Variants in CD46 observed in about 807,000 individuals in gnomAD.
CD46 encodes the protein membrane cofactor protein.
Under a neutral mutation model 53.3 loss-of-function variants are expected in CD46, and 30 were observed. The ratio of observed to expected loss-of-function variants is 0.56; its 90% CI spans 0.42 to 0.76. CD46 has a LOEUF of 0.76. CD46 is among the 30% of genes least tolerant of loss of function. CD46 has a pLI of 0.00. For synonymous variants in CD46, 142 were observed against 152.0 expected (o/e 0.93, Z 0.48); for missense variants, 409 against 463.0 (o/e 0.88, Z 1.07).
intron 7 of CD46, chr1:207,769,387 T>G (rs1657219234): frequency 6.6e-6 from 1 of 152,216 alleles, no homozygotes; most frequent in African/African-American, 2.4e-5. Context: ...CAAAACAAGA[T>G]TGCATGTGAA....
intron 3 of CD46, among the ~76,000 whole-genome samples, chr1:207,759,266 A>C (rs1000831596): frequency 6.6e-6 from 1 of 152,218 alleles, no homozygotes; most frequent in Non-Finnish European, 1.5e-5. Flanking sequence ...CAGGGACTTG[A>C]ATCTATCCAT....
chr1:207,763,062 T>C (rs1656417788), intron 5 of CD46: 1 of 152,302 alleles, frequency 6.6e-6, no homozygotes, highest in Admixed American at 6.5e-5. Context: ...AAAACCCCAG[T>C]TTGCATGGAA....
chr1:207,770,070 A>T, intron 7 of CD46: 1 of 464,786 alleles, frequency 2.2e-6, no homozygotes, highest in East Asian at 4.1e-5. Flanking sequence ...CCATCCTCAC[A>T]TTACTTTCAT....
chr1:207,767,285 T>C, intron 6 of CD46, 90 bp downstream of exon 6: 1 of 1,147,002 alleles, frequency 8.7e-7, no homozygotes, highest in Non-Finnish European at 1.3e-6. Context: ...CTATCAGTCA[T>C]ACAAAATAAC....
intron 11 of CD46, among the ~76,000 whole-genome samples, chr1:207,786,579 T>C (rs1659293935): frequency 6.6e-6 from 1 of 152,324 alleles, no homozygotes; most frequent in East Asian, 1.9e-4. Flanking sequence ...AAAACTGTTT[T>C]CCCCTATAGT....
intron 8 of CD46, among the ~76,000 whole-genome samples, chr1:207,773,742 T>A (rs1657779471): frequency 6.6e-6 from 1 of 152,158 alleles, no homozygotes; most frequent in Non-Finnish European, 1.5e-5. Flanking sequence ...CACTGTGGTC[T>A]GAGAGACAGT....
At chr1:207,782,824 T>TG (rs987300251) in intron 8 of CD46, among the ~76,000 whole-genome samples, 37 of 150,554 alleles carry the variant, frequency 2.5e-4, no homozygotes, top group Admixed American at 1.1e-3. Context: ...ATTTTTGTTT[T>TG]TTTTTTTTTT....
intron 8 of CD46, among the ~76,000 whole-genome samples, chr1:207,772,335 T>C (rs1657604091): frequency 6.6e-6 from 1 of 152,224 alleles, no homozygotes; most frequent in African/African-American, 2.4e-5. Flanking sequence ...TATGCAATCA[T>C]GTCATCTGCA....
chr1:207,779,931 T>TTTTTTTTTTTTTTTTTC (rs1658557229), intron 8 of CD46, among the ~76,000 whole-genome samples: 1 of 148,378 alleles, frequency 6.7e-6, no homozygotes, highest in Non-Finnish European at 1.5e-5. Flanking sequence ...TTTTTTTTTT[T>TTTTTTTTTTTTTTTTTC]TACTGTAGTA....
At position 207,782,896 on chromosome 1, in the gene CD46, G is replaced by A. The variant is rs577281820; in HGVS notation, c.944-396G>A. ...TCTCGAACTCCTGACCTCGTGATCCGCCTGCCTCGGCCTCCCAAAGTGCTG... is the reference window on the plus strand; with the variant it reads ...TCTCGAACTCCTGACCTCGTGATCCACCTGCCTCGGCCTCCCAAAGTGCTG... On this transcript the variant is annotated intron_variant, in intron 8 of 12. Coordinates refer to ENST00000367042, the MANE Select transcript of CD46 (RefSeq NM_172351.3). 2.5e-4 allele frequency among the ~76,000 whole-genome samples: 38 copies of A among 150,336 alleles called. No individual in the cohort carries two copies. In the East Asian group the frequency reaches 5.7e-3, roughly 22 times the overall value.
Position 207,765,804 on chromosome 1 carries a change from G to A in CD46, c.674-1209G>A, listed in dbSNP as rs538374240. Reference sequence around the variant, plus strand: ...TAAACATACTCTTATCATACAACTCGGCAACCCAAATAAACTGAAAACATT... The same window carrying A: ...TAAACATACTCTTATCATACAACTCAGCAACCCAAATAAACTGAAAACATT... On this transcript the variant is annotated intron_variant, in intron 5 of 12. Coordinates refer to ENST00000367042, the MANE Select transcript of CD46 (RefSeq NM_172351.3). 3.9e-5 allele frequency among the ~76,000 whole-genome samples: 6 copies of A among 152,120 alleles called. No homozygotes were observed. In the South Asian group the frequency reaches 1.0e-3, roughly 26 times the overall value.
Position 207,791,521 on chromosome 1 carries a change from G to A in CD46, c.*41+1176G>A, listed in dbSNP as rs189747778. ...TGTCCACAGCATGGGTATGCTGGAC[G>A]AAGGGATGATTTATATCCCGGGAGG... On this transcript the variant is annotated intron_variant, in intron 12 of 12. Transcript: ENST00000367042. Among the ~76,000 whole-genome samples, 49 of 152,306 alleles carry A rather than the reference G, an allele frequency of 3.2e-4. No homozygotes were observed. The East Asian group carries it at 3.9e-3, about 12-fold the overall frequency.
At chr1:207,791,636 T>C (rs781057872) in intron 12 of CD46, among the ~76,000 whole-genome samples, 1 of 152,230 alleles carries the variant, frequency 6.6e-6, no homozygotes, top group African/African-American at 2.4e-5. Context: ...TTTAATATTT[T>C]TGACCGTATT....
At chr1:207,770,865 G>A (rs1027936391) in intron 8 of CD46, among the ~76,000 whole-genome samples, 17 of 152,224 alleles carry the variant, frequency 1.1e-4, no homozygotes, top group African/African-American at 3.9e-4. Flanking sequence ...ATAAACATAC[G>A]TGTGCATGTG....
intron 4 of CD46, 80 bp downstream of exon 4, chr1:207,759,804 G>C (rs952951566): frequency 5.4e-6 from 4 of 744,634 alleles, no homozygotes; most frequent in Admixed American, 2.3e-5. Context: ...TACACTTTAA[G>C]ATTAACAAAG....
In CD46 at chr1:207,767,807, AG is replaced by A. The variant is rs779609255; in HGVS notation, c.886del (p.Ala296ArgfsTer39). 3 of 1,611,956 alleles carry A rather than the reference AG, an allele frequency of 1.9e-6. No individual in the cohort carries two copies. The Admixed American group carries it at 5.0e-5, about 27-fold the overall frequency. On this transcript the variant is annotated frameshift_variant, in exon 7 of 13. Transcript: ENST00000367042. LOFTEE classifies it high-confidence loss of function. ...CGACTTCTTCCACTACAAAATCTCC[AG>A]CGTCCAGTGCCTCAGGTTTAGTAAT... ...VSTSSTTKSPASSASGPRPTY... is the reference protein window; with the variant it reads ...VSTSSTTKSPXSSASGPRPTY...
chr1:207,763,319 A>G (rs1400507561), intron 5 of CD46: 1 of 152,254 alleles, frequency 6.6e-6, no homozygotes, highest in East Asian at 1.9e-4. Flanking sequence ...GCTAAGGGAG[A>G]CTGGCCAGCC....
At chr1:207,767,956 A>G in intron 7 of CD46, 133 bp downstream of exon 7, 1 of 740,096 alleles carries the variant, frequency 1.4e-6, no homozygotes, top group Non-Finnish European at 2.4e-6. Flanking sequence ...TTGTATAGCC[A>G]TTTTAGTTGT....
At chr1:207,763,475 T>C (rs537877285) in intron 5 of CD46, among the ~76,000 whole-genome samples, 16 of 152,174 alleles carry the variant, frequency 1.1e-4, no homozygotes, top group African/African-American at 1.9e-4. Flanking sequence ...CTTTTTGACC[T>C]TGGGCCAGTC....
Sources: allele counts gnomAD v4.1 joint callset (sites outside exome capture counted in the v4.1 genomes callset), GRCh38; gene constraint gnomAD v4.1.1; transcripts MANE v1.5; gene names NCBI Gene and HGNC (gene_info 2026-07-23, HGNC 2026-07-21).